ZNF827: variants seen among roughly 807,000 people sequenced by gnomAD.
ZNF827 encodes the protein zinc finger protein 827.
Under a neutral mutation model 102.4 loss-of-function variants are expected in ZNF827, and 13 were observed. The observed-to-expected ratio is 0.13, with a 90% CI of 0.08 to 0.20. The LOEUF is 0.20. Among genes scored for constraint, ZNF827 ranks in the 10% least tolerant of loss-of-function variants. The pLI, the probability that ZNF827 is intolerant of heterozygous loss-of-function variation, is 1.00. For missense variants in ZNF827, 1,103 were observed against 1,344.4 expected (o/e 0.82, Z 2.81); for synonymous variants, 523 against 536.2 (o/e 0.98, Z 0.34).
In ZNF827 at chr4:145,763,538, T is replaced by C. The variant is rs1343904114; in HGVS notation, c.3231-416A>G. Reference sequence around the variant, plus strand: ...CCAGCAAAAGCATCAGAATTCACTGTGCATTCTCCCCAATGGCTTCAGAGG... The same window carrying C: ...CCAGCAAAAGCATCAGAATTCACTGCGCATTCTCCCCAATGGCTTCAGAGG... On this transcript the variant is annotated intron_variant, in intron 13 of 14. Coordinates refer to ENST00000508784, the MANE Select transcript of ZNF827 (RefSeq NM_001306215.2). This position sits in a 1 kb window ranked among gnomAD's most constrained non-coding sequence, Gnocchi z 4.6. Among the ~76,000 whole-genome samples the C allele has an allele frequency of 6.6e-6, 1 of 152,214 alleles. No individual in the cohort carries two copies. Among genetic ancestry groups the C allele is most frequent in the African/African-American group, 2.4e-5 (1 of 41,462 alleles).
chr4:145,889,143 T>G (rs1750382645), intron 3 of ZNF827, among the ~76,000 whole-genome samples: 1 of 152,210 alleles, frequency 6.6e-6, no homozygotes, highest in South Asian at 2.1e-4. Flanking sequence ...TTTATCAGTT[T>G]TTCTAAGTTC....
At chr4:145,919,393 C>G (rs1190682612) in intron 1 of ZNF827, among the ~76,000 whole-genome samples, 1 of 152,192 alleles carries the variant, frequency 6.6e-6, no homozygotes, top group Non-Finnish European at 1.5e-5. Flanking sequence ...AGAGAGTTCC[C>G]AAGTCCCACA....
intron 4 of ZNF827, among the ~76,000 whole-genome samples, chr4:145,872,048 C>T (rs1461866445): frequency 6.6e-6 from 1 of 152,188 alleles, no homozygotes; most frequent in Non-Finnish European, 1.5e-5. Context: ...CTACTCTGAT[C>T]ATCCTGTTCA....
chr4:145,768,187 C>T (rs954274769), intron 11 of ZNF827, among the ~76,000 whole-genome samples: 4 of 152,084 alleles, frequency 2.6e-5, no homozygotes, highest in South Asian at 2.1e-4. Flanking sequence ...TTTTTGGAGA[C>T]AGGGTCTCAC....
chr4:145,794,674 C>T (rs778597485), intron 8 of ZNF827, among the ~76,000 whole-genome samples: 52 of 151,796 alleles, frequency 3.4e-4, no homozygotes, highest in Non-Finnish European at 6.6e-4. Context: ...CACTTCAGCC[C>T]GGGCGACAGG....
At chr4:145,770,616 C>T (rs914023392) in intron 11 of ZNF827, among the ~76,000 whole-genome samples, 2 of 151,854 alleles carry the variant, frequency 1.3e-5, no homozygotes, top group South Asian at 4.1e-4. Flanking sequence ...ATAATGATAA[C>T]TAATACTTTG....
rs115346587 is a variant in ZNF827 at position 145,913,865 on chromosome 4, C to T, written c.44-10650G>A. 9.5e-4 allele frequency among the ~76,000 whole-genome samples: 144 copies of T among 152,224 alleles called. 2 individuals are homozygous for T. The highest frequency in any genetic ancestry group is 3.4e-3 in the Middle Eastern group (1 of 294). Reference sequence around the variant, plus strand: ...ACATTACCAATACTTCTTAGAAGATCAGTAATAAATTACCAAACTACTGAA... The same window carrying T: ...ACATTACCAATACTTCTTAGAAGATTAGTAATAAATTACCAAACTACTGAA... On this transcript the variant is annotated intron_variant, in intron 1 of 14. Coordinates refer to ENST00000508784, the MANE Select transcript of ZNF827 (RefSeq NM_001306215.2).
At chr4:145,766,697 G>A (rs6814867) in intron 11 of ZNF827, among the ~76,000 whole-genome samples, 146,019 of 152,284 alleles carry the variant, frequency 0.96, 70,074 homozygotes, top group African/African-American at 0.99. Flanking sequence ...GGGGTGAAGA[G>A]ACTACCCATA....
intron 4 of ZNF827, among the ~76,000 whole-genome samples, chr4:145,883,862 C>T (rs1329731709): frequency 1.3e-5 from 2 of 152,084 alleles, no homozygotes; most frequent in African/African-American, 4.8e-5. Context: ...TTTGCTATCA[C>T]GGTGGCAGGG....
rs200772927 is a variant in ZNF827, at chr4:145,807,614, G to C, written c.2383+15808C>G. 4.6e-5 allele frequency among the ~76,000 whole-genome samples: 7 copies of C among 151,786 alleles called. No homozygotes were observed. In the East Asian group the frequency reaches 1.4e-3, roughly 29 times the overall value. ...AGCCTCCCAAATAGCTGGGATTACA[G>C]GCGCCCACCACCACGCCCAGCTAAT... On this transcript the variant is annotated intron_variant, in intron 8 of 14. Transcript: ENST00000508784.
chr4:145,854,189 G>A (rs1314764770), intron 5 of ZNF827, among the ~76,000 whole-genome samples: 1 of 151,978 alleles, frequency 6.6e-6, no homozygotes, highest in Non-Finnish European at 1.5e-5. Flanking sequence ...CCAAAGTTGG[G>A]CTGAGGAGAA....
At chr4:145,912,913 A>G (rs1340735547) in intron 1 of ZNF827, among the ~76,000 whole-genome samples, 1 of 152,200 alleles carries the variant, frequency 6.6e-6, no homozygotes, top group Non-Finnish European at 1.5e-5. Flanking sequence ...GTATATTTGG[A>G]TGAAGGCCTG....
chr4:145,833,854 C>T (rs374817731), intron 7 of ZNF827, among the ~76,000 whole-genome samples: 19 of 152,092 alleles, frequency 1.2e-4, no homozygotes, highest in East Asian at 5.8e-4. Flanking sequence ...ATTTCCATGC[C>T]CTGACCTCTT....
intron 8 of ZNF827, among the ~76,000 whole-genome samples, chr4:145,808,067 T>C (rs62345787): frequency 3.3e-5 from 5 of 149,930 alleles, no homozygotes; most frequent in African/African-American, 7.3e-5. Flanking sequence ...TTTTTTTTTT[T>C]CCTGAGTAAA....
At chr4:145,908,038 C>T (rs1380594929) in intron 1 of ZNF827, among the ~76,000 whole-genome samples, 3 of 152,122 alleles carry the variant, frequency 2.0e-5, no homozygotes, top group Admixed American at 6.6e-5. Flanking sequence ...GCTGCATTCT[C>T]GGTAGAGAAT....
At chr4:145,915,689 A>T (rs1752617790) in intron 1 of ZNF827, among the ~76,000 whole-genome samples, 1 of 152,156 alleles carries the variant, frequency 6.6e-6, no homozygotes. Context: ...ATTCCATCAC[A>T]ATAGCCCCAA....
rs1365312441 is a variant in ZNF827, at chr4:145,763,021, A to G, written c.*17+69T>C. 1.4e-6 allele frequency: 2 copies of G among 1,422,362 alleles called. No individual in the cohort carries two copies. The highest frequency in any genetic ancestry group is 1.3e-5 in the South Asian group (1 of 79,690). 88.1% of individuals were successfully genotyped at this position (1,422,362 alleles called of 1,614,324 possible). On this transcript the variant is annotated intron_variant, in intron 14 of 14. Coordinates refer to ENST00000508784, the MANE Select transcript of ZNF827 (RefSeq NM_001306215.2). This position sits in a 1 kb window ranked among gnomAD's most constrained non-coding sequence, Gnocchi z 4.6. ...AACCTCAGCTCACAGAAGAGTGCAC[A>G]CGAGAGAAATATAAAGCCCATTCCC...
intron 7 of ZNF827, among the ~76,000 whole-genome samples, chr4:145,824,716 C>T (rs1743495513): frequency 6.6e-6 from 1 of 152,126 alleles, no homozygotes; most frequent in Non-Finnish European, 1.5e-5. Context: ...GGAGGGATCA[C>T]TACCCCCCAC....
intron 1 of ZNF827, among the ~76,000 whole-genome samples, chr4:145,931,059 C>T (rs1431338654): frequency 1.3e-5 from 2 of 152,134 alleles, no homozygotes. Flanking sequence ...CCTAGTCACA[C>T]ACTATTCTCC....
Sources: allele counts gnomAD v4.1 joint callset (sites outside exome capture counted in the v4.1 genomes callset), GRCh38; gene constraint gnomAD v4.1.1; non-coding constraint Gnocchi (gnomAD v3.1); transcripts MANE v1.5; gene names NCBI Gene and HGNC (gene_info 2026-07-23, HGNC 2026-07-21).